Variants in MEF2D observed in about 807,000 individuals in gnomAD.
MEF2D encodes myocyte-specific enhancer factor 2D.
In MEF2D, 10 loss-of-function variants were observed where a neutral mutation model predicts 59.3. The ratio of observed to expected loss-of-function variants is 0.17; its 90% CI spans 0.10 to 0.29. The LOEUF (loss-of-function observed/expected upper bound fraction) is 0.29, where lower values mean the gene tolerates loss of function less well. MEF2D is among the 10% of genes least tolerant of loss of function. The pLI, the probability that MEF2D is intolerant of heterozygous loss-of-function variation, is 1.00. For synonymous variants in MEF2D, 305 were observed against 295.0 expected, an observed-to-expected ratio of 1.03 and a Z score of -0.35; for missense variants, 508 against 699.4, an observed-to-expected ratio of 0.73 and a Z score of 3.09.
chr1:156,495,762 C>CAAAA lies in MEF2D; in HGVS notation c.-139+4720_-139+4723dup, dbSNP rs372092331. Among the ~76,000 whole-genome samples, 2 of 78,014 alleles carry CAAAA rather than the reference C, an allele frequency of 2.6e-5. 1 individual carries two copies. The highest frequency in any genetic ancestry group is 3.8e-4 in the Admixed American group (2 of 5,228). 51.2% of individuals were successfully genotyped at this position (78,014 alleles called of 152,430 possible). On this transcript the variant is annotated intron_variant, in intron 1 of 11. Transcript: ENST00000348159. ...GGGTAAAGCTCCTTTGACCAGGGGG[C>CAAAA]AAAAAAAAAAAAAAAAGCTCCCTCT...
At chr1:156,495,761 G>C (rs1673092909) in intron 1 of MEF2D, among the ~76,000 whole-genome samples, 1 of 2,714 alleles carries the variant, frequency 3.7e-4, no homozygotes, top group Admixed American at 4.2e-3. Flanking sequence ...TGACCAGGGG[G>C]CAAAAAAAAA....
chr1:156,468,320 T>TGGGGTACAAGGGATAAAAACAGAG lies in MEF2D; in HGVS notation c.1248-45_1248-22dup. 1 of 1,528,822 alleles carries TGGGGTACAAGGGATAAAAACAGAG rather than the reference T, an allele frequency of 6.5e-7. No individual in the cohort carries two copies. 94.7% of individuals were successfully genotyped at this position (1,528,822 alleles called of 1,614,324 possible). Reference sequence around the variant, plus strand: ...CCGGGCTGGAGGCAGGCAATGGAAATGGGGTACAAGGGATAAAAACAGAGG... The same window carrying TGGGGTACAAGGGATAAAAACAGAG: ...CCGGGCTGGAGGCAGGCAATGGAAATGGGGTACAAGGGATAAAAACAGAGGGGGTACAAGGGATAAAAACAGAGG... On this transcript the variant is annotated intron_variant, in intron 10 of 11. Transcript: ENST00000348159. This position sits in a 1 kb window ranked among gnomAD's most constrained non-coding sequence, Gnocchi z 4.3.
At chr1:156,476,829 G>T in intron 7 of MEF2D, 183 bp downstream of exon 7, 1 of 715,464 alleles carries the variant, frequency 1.4e-6, no homozygotes. Context: ...TACTTCTTGT[G>T]CTGCAACCTC....
Position 156,468,218 on chromosome 1 carries a change from C to T in MEF2D, c.1329G>A (p.Val443=). The T allele has an allele frequency of 2.5e-6, 4 of 1,611,092 alleles. No individual in the cohort carries two copies. The highest frequency in any genetic ancestry group is 3.4e-6 in the Non-Finnish European group (4 of 1,178,220). ...HPHISIKSEP[V]SPSRERSPAP... is the part of the protein sequence containing the mutation. ...CAGGGCTGCGCTCACGGCTTGGGGA[C>T]ACCGGTTCTGACTTGATGCTGATGT... The change falls in exon 11 of 12, where the codon GTG becomes GTA. Residue 443 remains valine (V), a synonymous_variant. Coordinates refer to ENST00000348159, the MANE Select transcript of MEF2D (RefSeq NM_005920.4). The surrounding 1 kb of genome is among the most constrained non-coding windows in gnomAD (Gnocchi z 4.3).
chr1:156,485,568 G>A (rs1282108526), intron 1 of MEF2D, among the ~76,000 whole-genome samples: 3 of 149,058 alleles, frequency 2.0e-5, no homozygotes, highest in Non-Finnish European at 4.5e-5. Context: ...TTTAAGATAG[G>A]GTCTTGCTCT....
At chr1:156,491,498 T>C (rs1672788757) in intron 1 of MEF2D, among the ~76,000 whole-genome samples, 1 of 152,174 alleles carries the variant, frequency 6.6e-6, no homozygotes, top group African/African-American at 2.4e-5. Context: ...GGCAGGTGCC[T>C]TCTAAACAGT....
At chr1:156,476,381 A>C in intron 8 of MEF2D, 113 bp downstream of exon 8, 2 of 1,272,750 alleles carry the variant, frequency 1.6e-6, no homozygotes, top group South Asian at 1.3e-5. Flanking sequence ...AAGAAACAGC[A>C]ACAGTTCACG....
intron 8 of MEF2D, 138 bp from the exon 9 acceptor site, chr1:156,475,375 A>G (rs1671502864): frequency 1.0e-6 from 1 of 971,512 alleles, no homozygotes; most frequent in Non-Finnish European, 1.5e-6. Flanking sequence ...CCCCACAGAT[A>G]TACAAACACA....
intron 2 of MEF2D, 108 bp from the exon 3 acceptor site, chr1:156,482,748 T>C: frequency 9.7e-7 from 1 of 1,030,284 alleles, no homozygotes. Flanking sequence ...GAGCCCCCAT[T>C]CTCAGTGTGA....
At chr1:156,494,705 A>G (rs1673028524) in intron 1 of MEF2D, among the ~76,000 whole-genome samples, 1 of 152,192 alleles carries the variant, frequency 6.6e-6, no homozygotes, top group African/African-American at 2.4e-5. Context: ...TTTCTGGCGG[A>G]AACTCCTTCC....
intron 9 of MEF2D, among the ~76,000 whole-genome samples, chr1:156,473,311 G>A (rs1308520744): frequency 6.6e-6 from 1 of 152,192 alleles, no homozygotes; most frequent in African/African-American, 2.4e-5. Context: ...CACCACGCCT[G>A]GCCTGGGTTC....
intron 1 of MEF2D, among the ~76,000 whole-genome samples, chr1:156,497,414 T>A (rs931658764): frequency 1.3e-5 from 2 of 152,178 alleles, no homozygotes; most frequent in African/African-American, 2.4e-5. Context: ...CCAGCCATGG[T>A]CCCGTGGGAT....
Position 156,498,059 on chromosome 1 carries a change from TC to T in MEF2D, c.-139+2426del, listed in dbSNP as rs562307149. On this transcript the variant is annotated intron_variant, in intron 1 of 11. Coordinates refer to ENST00000348159, the MANE Select transcript of MEF2D (RefSeq NM_005920.4). ...TTAGCTCCCCCCAACCTGAAGAGTC[TC>T]CCTCTGGCTTCTCTTCCCTATCACA... 2.0e-4 allele frequency among the ~76,000 whole-genome samples: 25 copies of T among 123,112 alleles called. No homozygotes were observed. In the East Asian group the frequency reaches 5.6e-3, roughly 28 times the overall value. 80.8% of individuals were successfully genotyped at this position (123,112 alleles called of 152,430 possible).
intron 6 of MEF2D, among the ~76,000 whole-genome samples, chr1:156,478,417 T>TGG (rs1671757038): frequency 1.3e-5 from 2 of 151,922 alleles, no homozygotes; most frequent in South Asian, 4.1e-4. Context: ...GGCAGGAATG[T>TGG]CAGGGTGACG....
chr1:156,475,266 T>C (rs775775327), intron 8 of MEF2D, 29 bp from the exon 9 acceptor site: 5 of 1,562,776 alleles, frequency 3.2e-6, no homozygotes, highest in South Asian at 2.4e-5. Context: ...CGTCAGGAGG[T>C]GGCTGACAGG....
Position 156,466,751 on chromosome 1 carries a change from G to C in MEF2D, c.*894C>G, listed in dbSNP as rs982664108. 5 of 152,738 alleles carry C rather than the reference G, an allele frequency of 3.3e-5. No individual in the cohort carries two copies. Among genetic ancestry groups the C allele is most frequent in the African/African-American group, 1.2e-4 (5 of 41,420 alleles). 9.5% of individuals were successfully genotyped at this position (152,738 alleles called of 1,614,324 possible). ...CCTGCACACTGTGGCCAGCTTTACA[G>C]GGCTGGCGTCAACTGAGGGGTGGGG... On this transcript the variant is annotated 3_prime_UTR_variant, in exon 12 of 12. Transcript: ENST00000348159.
In MEF2D at chr1:156,480,923, C is replaced by A; in HGVS notation, c.307G>T (p.Gly103Trp). The stretch of plus-strand genomic sequence containing the variant: ...GGGCTCTGTTCCAGCGAGTCCTCCC[C>A]GTCGGGCTCGGGGCTGTCGCAGCCG... Reference protein sequence around the residue: ...FNGCDSPEPDGEDSLEQSPLL... With the variant: ...FNGCDSPEPDWEDSLEQSPLL... Residue 103 changes from glycine (G) to tryptophan (W), a missense_variant, in exon 4 of 12, where the codon GGG (glycine) becomes TGG (tryptophan). Gly to Trp is a radical substitution (Grantham distance 184, BLOSUM62 -2). Coordinates refer to ENST00000348159, the MANE Select transcript of MEF2D (RefSeq NM_005920.4). The A allele has an allele frequency of 6.2e-7, 1 of 1,612,166 alleles. No homozygotes were observed. Among genetic ancestry groups the A allele is most frequent in the Non-Finnish European group, 8.5e-7 (1 of 1,179,780 alleles).
At chr1:156,479,893 T>C in intron 4 of MEF2D, 97 bp from the exon 5 acceptor site, 1 of 1,224,996 alleles carries the variant, frequency 8.2e-7, no homozygotes, top group South Asian at 1.3e-5. Flanking sequence ...TTCTCATTTC[T>C]GGGCTACGCA....
chr1:156,480,605 T>C (rs1399937254), intron 4 of MEF2D: 12 of 1,523,952 alleles, frequency 7.9e-6, no homozygotes, highest in East Asian at 2.5e-5. Flanking sequence ...AGCCACACCA[T>C]GCACCACAGG....
Sources: allele counts gnomAD v4.1 joint callset (sites outside exome capture counted in the v4.1 genomes callset), GRCh38; gene constraint gnomAD v4.1.1; non-coding constraint Gnocchi (gnomAD v3.1); transcripts MANE v1.5; gene names NCBI Gene and HGNC (gene_info 2026-07-23, HGNC 2026-07-21).